The following DMXL1 variants were observed in gnomAD, a reference collection of about 807,000 sequenced individuals.
DMXL1 encodes Dmx like 1.
A neutral mutation model predicts 319.2 loss-of-function variants in DMXL1; 99 were observed. The ratio of observed to expected loss-of-function variants is 0.31; its 90% confidence interval spans 0.26 to 0.37. The LOEUF is 0.37. DMXL1 is among the 10% of genes least tolerant of loss of function. The pLI, the probability that DMXL1 is intolerant of heterozygous loss-of-function variation, is 1.00. For missense variants in DMXL1, 3,745 were observed against 3,595.6 expected (o/e 1.04, Z -1.06); for synonymous variants, 1,385 against 1,235.2 (o/e 1.12, Z -2.54).
chr5:119,195,312 A>G (rs1355232590), intron 30 of DMXL1, among the ~76,000 whole-genome samples: 1 of 152,228 alleles, frequency 6.6e-6, no homozygotes, highest in African/African-American at 2.4e-5. Context: ...TCTTAGCAGC[A>G]TTATTTACAG....
At chr5:119,209,604 T>A (rs892529466) in intron 34 of DMXL1, among the ~76,000 whole-genome samples, 5 of 152,296 alleles carry the variant, frequency 3.3e-5, no homozygotes, top group Non-Finnish European at 7.4e-5. Context: ...CACCTCAGCC[T>A]CCTGAAGTGT....
At chr5:119,216,837 G>C in intron 34 of DMXL1, 64 bp from the exon 35 acceptor site, 1 of 818,040 alleles carries the variant, frequency 1.2e-6, no homozygotes, top group South Asian at 1.6e-5. Context: ...TGATAGATTG[G>C]CATATATTAT....
chr5:119,112,934 C>G (rs1759989580), intron 5 of DMXL1, among the ~76,000 whole-genome samples: 1 of 151,600 alleles, frequency 6.6e-6, no homozygotes, highest in South Asian at 2.1e-4. Context: ...CCAGCCTGGG[C>G]AATAGAGTGA....
At chr5:119,120,225 A>G (rs553913144) in intron 8 of DMXL1, among the ~76,000 whole-genome samples, 2 of 152,324 alleles carry the variant, frequency 1.3e-5, no homozygotes, top group East Asian at 1.9e-4. Context: ...TTTTGAAACA[A>G]TTTATCTTTG....
rs376794368 is a variant in DMXL1, at chr5:119,133,934, G to A, written c.2010G>A (p.Glu670=). 4.2e-4 allele frequency: 679 copies of A among 1,614,142 alleles called. 8 individuals carry two copies. In the South Asian group the frequency reaches 7.1e-3, roughly 17 times the overall value. Residue 670 remains glutamate (E), a synonymous_variant, in exon 12 of 44, where the codon GAG becomes GAA. Coordinates refer to ENST00000539542, the MANE Select transcript of DMXL1 (RefSeq NM_001290321.3). ...ALRTPDVDNP[E]QPFDALNIEE... ...GGACACCAGATGTTGATAACCCAGA[G>A]CAACCTTTTGATGCTCTAAATATTG... is the stretch of plus-strand genomic sequence containing the variant.
chr5:119,167,862 A>C lies in DMXL1; in HGVS notation c.5396A>C (p.Asp1799Ala). The C allele has an allele frequency of 6.2e-7, 1 of 1,610,040 alleles. No individual in the cohort carries two copies. The highest frequency in any genetic ancestry group is 8.5e-7 in the Non-Finnish European group (1 of 1,178,950). ...TLIKQPIREN[D>A]DQVLSASNPT... Reference sequence around the variant, plus strand: ...ATAAAGCAACCTATCAGAGAGAATGATGGTAAGCTGCACTTCTAAGATGTT... The same window carrying C: ...ATAAAGCAACCTATCAGAGAGAATGCTGGTAAGCTGCACTTCTAAGATGTT... Residue 1799 changes from aspartate to alanine, a missense_variant and splice_region_variant, in exon 23 of 44, where the codon GAT (aspartate) becomes GCT (alanine). Physicochemically the swap from Asp to Ala is moderately radical, Grantham distance 126. Around this residue, in one of 4 missense-constraint regions of DMXL1, gnomAD observed 1,382 missense variants for 1,269.5 expected, o/e 1.09. Coordinates refer to ENST00000539542, the MANE Select transcript of DMXL1 (RefSeq NM_001290321.3).
intron 1 of DMXL1, among the ~76,000 whole-genome samples, chr5:119,091,200 T>A (rs1243501454): frequency 6.6e-6 from 1 of 151,848 alleles, no homozygotes; most frequent in Non-Finnish European, 1.5e-5. Context: ...CCCTGTTTGC[T>A]GCATTTATTT....
At chr5:119,078,969 G>A (rs1309605635) in intron 1 of DMXL1, among the ~76,000 whole-genome samples, 4 of 151,898 alleles carry the variant, frequency 2.6e-5, no homozygotes, top group African/African-American at 7.3e-5. Flanking sequence ...TTTTGTTTGC[G>A]CCAGTCTGAT....
chr5:119,177,589 G>A, intron 27 of DMXL1, 105 bp downstream of exon 27: 5 of 941,552 alleles, frequency 5.3e-6, no homozygotes, highest in Non-Finnish European at 7.7e-6. Flanking sequence ...GTTAAATACT[G>A]TTAGAATTGA....
Position 119,247,557 on chromosome 5 carries a change from G to GT in DMXL1, c.*344dup, listed in dbSNP as rs1159629438. ...TGAATTTCTTCCACAGTAAAAATAC[G>GT]TTTTTTGTAAAGGCAATTGTACATA... On this transcript the variant is annotated 3_prime_UTR_variant, in exon 44 of 44. Transcript: ENST00000539542. 1 of 165,106 alleles carries GT rather than the reference G, an allele frequency of 6.1e-6. No homozygotes were observed. The highest frequency in any genetic ancestry group is 1.3e-5 in the Non-Finnish European group (1 of 75,766). 10.2% of individuals were successfully genotyped at this position (165,106 alleles called of 1,614,324 possible).
At chr5:119,075,241 CTTTTTTTTTTTTT>C (rs201088042) in intron 1 of DMXL1, among the ~76,000 whole-genome samples, 1 of 122,676 alleles carries the variant, frequency 8.2e-6, no homozygotes, top group Non-Finnish European at 1.7e-5. Context: ...CTTTTTTTTT[CTTTTTTTTTTTTT>C]TTGGAGACTG....
At chr5:119,169,113 A>G (rs1036514545) in intron 23 of DMXL1, among the ~76,000 whole-genome samples, 1 of 151,976 alleles carries the variant, frequency 6.6e-6, no homozygotes, top group Non-Finnish European at 1.5e-5. Flanking sequence ...CATGTTGCCC[A>G]GGGTGGTCTT....
At chr5:119,198,029 TC>T (rs879390485) in intron 32 of DMXL1, 73 bp downstream of exon 32, 1 of 1,472,264 alleles carries the variant, frequency 6.8e-7, no homozygotes, top group Non-Finnish European at 9.4e-7. Flanking sequence ...CGCTCTGTCA[TC>T]CGGGCTGGAG....
At chr5:119,126,066 G>T (rs1024272281) in intron 9 of DMXL1, among the ~76,000 whole-genome samples, 1 of 152,046 alleles carries the variant, frequency 6.6e-6, no homozygotes, top group Non-Finnish European at 1.5e-5. Context: ...CGAGGCGGTG[G>T]TGAAGTCAGG....
intron 34 of DMXL1, among the ~76,000 whole-genome samples, chr5:119,210,346 A>C (rs1490981760): frequency 6.6e-6 from 1 of 152,198 alleles, no homozygotes; most frequent in East Asian, 1.9e-4. Flanking sequence ...TATTTAAGAA[A>C]TCTTTGCCTA....
chr5:119,163,327 G>T (rs1772676725), intron 19 of DMXL1, among the ~76,000 whole-genome samples: 2 of 152,174 alleles, frequency 1.3e-5, no homozygotes, highest in African/African-American at 4.8e-5. Context: ...AAAAGCAACT[G>T]CAGTTTTTGC....
chr5:119,071,206 C>A lies in DMXL1; in HGVS notation c.-364C>A. 3 of 269,358 alleles carry A rather than the reference C, an allele frequency of 1.1e-5. No homozygotes were observed. Among genetic ancestry groups the A allele is most frequent in the South Asian group, 1.0e-4 (3 of 28,652 alleles). 16.7% of individuals were successfully genotyped at this position (269,358 alleles called of 1,614,324 possible). Reference sequence around the variant, plus strand: ...TGCGCCACTCGGGCTGGGTCAGGAGCGGCTGCCCGAGGTCCAGAGGAAGTG... The same window carrying A: ...TGCGCCACTCGGGCTGGGTCAGGAGAGGCTGCCCGAGGTCCAGAGGAAGTG... On this transcript the variant is annotated 5_prime_UTR_variant, in exon 1 of 44. Coordinates refer to ENST00000539542, the MANE Select transcript of DMXL1 (RefSeq NM_001290321.3).
intron 29 of DMXL1, among the ~76,000 whole-genome samples, chr5:119,193,468 C>T (rs902569795): frequency 6.6e-6 from 1 of 152,028 alleles, no homozygotes; most frequent in African/African-American, 2.4e-5. Context: ...CCTTATTCTC[C>T]ATTTCTTTTC....
intron 10 of DMXL1, among the ~76,000 whole-genome samples, chr5:119,131,126 T>A (rs953196439): frequency 6.6e-6 from 1 of 150,918 alleles, no homozygotes; most frequent in African/African-American, 2.4e-5. Flanking sequence ...GCTTGCCTTT[T>A]AATACCCTTT....
Sources: allele counts gnomAD v4.1 joint callset (sites outside exome capture counted in the v4.1 genomes callset), GRCh38; gene constraint gnomAD v4.1.1; regional missense constraint gnomAD v4.1.1; transcripts MANE v1.5; gene names NCBI Gene and HGNC (gene_info 2026-07-23, HGNC 2026-07-21).